The following GYG1 variants were observed in gnomAD, a reference collection of about 807,000 sequenced individuals.
The protein encoded by GYG1 is glycogenin-1.
Under a neutral mutation model 41.9 loss-of-function variants are expected in GYG1, and 44 were observed. That is an observed-to-expected ratio of 1.05 (90% CI 0.83 to 1.35). GYG1 has a LOEUF of 1.35. Ranked by LOEUF, GYG1 falls within the 40% of genes most tolerant of loss-of-function variation. The pLI is 0.00. For synonymous variants in GYG1, 141 were observed against 158.1 expected, an observed-to-expected ratio of 0.89 and a Z score of 0.81; for missense variants, 429 against 418.9, an observed-to-expected ratio of 1.02 and a Z score of -0.21.
At chr3:149,017,758 C>G (rs1210279700) in intron 5 of GYG1, among the ~76,000 whole-genome samples, 1 of 150,274 alleles carries the variant, frequency 6.7e-6, no homozygotes, top group Non-Finnish European at 1.5e-5. Flanking sequence ...CACACACCGC[C>G]ATGCCCAGCT....
At chr3:149,011,419 A>G (rs1713715700) in intron 5 of GYG1, among the ~76,000 whole-genome samples, 1 of 152,236 alleles carries the variant, frequency 6.6e-6, no homozygotes, top group Non-Finnish European at 1.5e-5. Flanking sequence ...TTGACAGTGC[A>G]GAGGAGAAAG....
chr3:149,024,100 C>A lies in GYG1; in HGVS notation c.656C>A (p.Pro219Gln), dbSNP rs756870155. 1 of 1,614,158 alleles carries A rather than the reference C, an allele frequency of 6.2e-7. No homozygotes were observed. The highest frequency in any genetic ancestry group is 1.7e-5 in the Admixed American group (1 of 60,026). Residue 219 changes from proline to glutamine, a missense_variant, in exon 6 of 8, where the codon CCA becomes CAA. Pro to Gln is a moderately conservative substitution (Grantham distance 76, BLOSUM62 -1). Transcript: ENST00000345003. ...KVVHFLGRVKPWNYTYDPKTK... is the reference protein window; with the variant it reads ...KVVHFLGRVKQWNYTYDPKTK... ...GTGCATTTCCTGGGACGAGTCAAAC[C>A]ATGGAATTATACTTATGATCCCAAA...
Position 148,994,267 on chromosome 3 carries a change from G to A in GYG1, c.133G>A (p.Asp45Asn), listed in dbSNP as rs768112881. 6.2e-7 allele frequency: 1 copy of A among 1,614,106 alleles called. No individual in the cohort carries two copies. Among genetic ancestry groups the A allele is most frequent in the Admixed American group, 1.7e-5 (1 of 60,022 alleles). Residue 45 changes from aspartate (D) to asparagine (N), a missense_variant, in exon 2 of 8, where the codon GAC becomes AAC. Physicochemically the swap from Asp to Asn is conservative, Grantham distance 23 (BLOSUM62 1). Transcript: ENST00000345003. Reference protein sequence around the residue: ...LVVLATPQVSDSMRKVLETVF... With the variant: ...LVVLATPQVSNSMRKVLETVF... Reference sequence around the variant, plus strand: ...CGTGCTCGCCACCCCTCAGGTCTCAGACTCCATGAGGTGAGGACCTCGCTG... The same window carrying A: ...CGTGCTCGCCACCCCTCAGGTCTCAAACTCCATGAGGTGAGGACCTCGCTG...
intron 5 of GYG1, among the ~76,000 whole-genome samples, chr3:149,013,764 G>C (rs2107908479): frequency 6.6e-6 from 1 of 152,102 alleles, no homozygotes. Flanking sequence ...GTGTAGTTCT[G>C]ATTTGGTTAT....
intron 1 of GYG1, among the ~76,000 whole-genome samples, chr3:148,993,628 G>T (rs929332289): frequency 2.0e-5 from 3 of 152,180 alleles, no homozygotes; most frequent in African/African-American, 7.2e-5. Flanking sequence ...GGGTGGCCGA[G>T]TGAGACCCTG....
At position 149,024,163 on chromosome 3, in the gene GYG1, T is replaced by C; in HGVS notation, c.719T>C (p.Met240Thr). 1.2e-6 allele frequency: 2 copies of C among 1,613,506 alleles called. No individual in the cohort carries two copies. The highest frequency in any genetic ancestry group is 1.1e-5 in the South Asian group (1 of 91,068). ...SVKSEAHDPNMTHPEFLILWW... is the reference protein window; with the variant it reads ...SVKSEAHDPNTTHPEFLILWW... ...AAAAGTGAGGCCCATGATCCCAACA[T>C]GACTCATCCAGAGTTTCTCATCCTG... Residue 240 changes from methionine to threonine, a missense_variant, in exon 6 of 8, where the codon ATG becomes ACG. Coordinates refer to ENST00000345003, the MANE Select transcript of GYG1 (RefSeq NM_004130.4).
chr3:149,012,771 T>C (rs1713803913), intron 5 of GYG1, among the ~76,000 whole-genome samples: 1 of 152,122 alleles, frequency 6.6e-6, no homozygotes, highest in Non-Finnish European at 1.5e-5. Flanking sequence ...TTAAAATGCT[T>C]GGTTTAGTAA....
At chr3:149,016,268 AAAAAAAAAC>A (rs1290325602) in intron 5 of GYG1, among the ~76,000 whole-genome samples, 1 of 151,264 alleles carries the variant, frequency 6.6e-6, no homozygotes, top group African/African-American at 2.4e-5. Flanking sequence ...CTCAAAAAAA[AAAAAAAAAC>A]AAAAAAGAAA....
intron 2 of GYG1, 144 bp from the exon 3 acceptor site, chr3:148,996,153 TAGAAC>T: frequency 1.5e-6 from 1 of 677,638 alleles, no homozygotes; most frequent in Non-Finnish European, 2.6e-6. Context: ...GGAGTAAAAT[TAGAAC>T]AGATTTAAGG....
intron 3 of GYG1, 33 bp downstream of exon 3, chr3:148,996,509 C>T (rs2107887281): frequency 6.5e-7 from 1 of 1,544,986 alleles, no homozygotes; most frequent in Non-Finnish European, 8.9e-7. Context: ...AAAAGAAAGA[C>T]ATATATATAT....
In GYG1 at chr3:148,994,221, C is replaced by G; in HGVS notation, c.87C>G (p.His29Gln). The change falls in exon 2 of 8, where the codon CAC becomes CAG. Residue 29 changes from histidine to glutamine, a missense_variant. His to Gln is a conservative substitution (Grantham distance 24, BLOSUM62 0). Transcript: ENST00000345003. ...TCCTGGGATCATCTCTGAAACAGCA[C>G]AGGACCACCAGGAGGCTGGTCGTGC... ...ALVLGSSLKQ[H>Q]RTTRRLVVLA... 6.2e-7 allele frequency: 1 copy of G among 1,613,982 alleles called. No individual in the cohort carries two copies. The highest frequency in any genetic ancestry group is 2.2e-5 in the East Asian group (1 of 44,878).
intron 5 of GYG1, among the ~76,000 whole-genome samples, chr3:149,021,740 T>C (rs1348706516): frequency 4.6e-5 from 7 of 152,242 alleles, no homozygotes; most frequent in African/African-American, 1.7e-4. Flanking sequence ...ACTCTGATGA[T>C]AGCTTTTTAA....
At chr3:149,009,426 T>C in intron 5 of GYG1, 24 bp downstream of exon 5, 1 of 1,611,932 alleles carries the variant, frequency 6.2e-7, no homozygotes, top group East Asian at 2.2e-5. Context: ...GTTTAACTAT[T>C]GTTGGAGATG....
At chr3:149,012,997 TTGTGTGTGTGTGTGTG>T (rs10575910) in intron 5 of GYG1, among the ~76,000 whole-genome samples, 2 of 141,366 alleles carry the variant, frequency 1.4e-5, no homozygotes, top group Non-Finnish European at 3.0e-5. Flanking sequence ...CTCAGTTAAT[TTGTGTGTGTGTGTGTG>T]TGTGTGTGTG....
intron 5 of GYG1, among the ~76,000 whole-genome samples, chr3:149,018,556 C>A (rs2107915167): frequency 6.6e-6 from 1 of 152,222 alleles, no homozygotes; most frequent in African/African-American, 2.4e-5. Flanking sequence ...CCCTCCTATC[C>A]AAGCCCCATT....
intron 1 of GYG1, 36 bp downstream of exon 1, chr3:148,991,683 A>G: frequency 6.7e-7 from 1 of 1,486,340 alleles, no homozygotes. Flanking sequence ...CAGCCCCGGG[A>G]CCCCGGCTTC....
At chr3:149,009,098 G>A (rs1409043038) in intron 4 of GYG1, 178 bp from the exon 5 acceptor site, 1 of 547,212 alleles carries the variant, frequency 1.8e-6, no homozygotes, top group Non-Finnish European at 3.2e-6. Context: ...GGCAGAGGTT[G>A]CAGTGAGCTG....
At chr3:149,000,827 TAGG>T (rs886687347) in intron 4 of GYG1, 1 of 151,144 alleles carries the variant, frequency 6.6e-6, no homozygotes, top group African/African-American at 2.5e-5. Context: ...GAAGAAAACA[TAGG>T]AGAGAATAAA....
chr3:149,024,805 A>G (rs941483995), intron 6 of GYG1, among the ~76,000 whole-genome samples: 1 of 152,232 alleles, frequency 6.6e-6, no homozygotes, highest in African/African-American at 2.4e-5. Flanking sequence ...GGCAGATGAC[A>G]TGTTAACATT....
Sources: allele counts gnomAD v4.1 joint callset (sites outside exome capture counted in the v4.1 genomes callset), GRCh38; gene constraint gnomAD v4.1.1; transcripts MANE v1.5; gene names NCBI Gene and HGNC (gene_info 2026-07-23, HGNC 2026-07-21).